Variants in MTUS1 observed in about 807,000 individuals in gnomAD.
The protein encoded by MTUS1 is microtubule-associated tumor suppressor 1.
In MTUS1, 109 loss-of-function variants were observed where a neutral mutation model predicts 120.8. That is an observed-to-expected ratio of 0.90 (90% CI 0.77 to 1.06). MTUS1 has a LOEUF of 1.06. Ranked by LOEUF, MTUS1 falls within the 50% of genes least tolerant of loss-of-function variation. The pLI is 0.00. For synonymous variants in MTUS1, 737 were observed against 550.5 expected, an observed-to-expected ratio of 1.34 and a Z score of -4.74; for missense variants, 2,210 against 1,486.3, an observed-to-expected ratio of 1.49 and a Z score of -8.01.
chr8:17,660,253 G>T lies in MTUS1; in HGVS notation c.2906-4188C>A, dbSNP rs570349857. ...CGGGGCATGATGGCGCACGTCTGTA[G>T]TCCCAGCTACTCGGGAGGCTGAGGC... On this transcript the variant is annotated intron_variant, in intron 8 of 14. Coordinates refer to ENST00000693296, the MANE Select transcript of MTUS1 (RefSeq NM_001363059.2). Among the ~76,000 whole-genome samples, 5 of 152,228 alleles carry T rather than the reference G, an allele frequency of 3.3e-5. No homozygotes were observed. In the East Asian group the frequency reaches 9.7e-4, roughly 29 times the overall value.
intron 13 of MTUS1, chr8:17,647,355 C>A: frequency 3.3e-6 from 1 of 302,706 alleles, no homozygotes; most frequent in African/African-American, 2.2e-5. Flanking sequence ...TTGGAATTCT[C>A]TAAGAATTGG....
intron 3 of MTUS1, among the ~76,000 whole-genome samples, chr8:17,728,277 A>T (rs1044111040): frequency 1.3e-5 from 2 of 152,240 alleles, no homozygotes; most frequent in East Asian, 3.9e-4. Flanking sequence ...ACACCCGGCT[A>T]ATTTTTTTGT....
At chr8:17,659,237 C>A (rs1446203291) in intron 8 of MTUS1, among the ~76,000 whole-genome samples, 1 of 152,088 alleles carries the variant, frequency 6.6e-6, no homozygotes, top group East Asian at 1.9e-4. Flanking sequence ...GCTGGCAAGG[C>A]GCATGATGGG....
At chr8:17,774,990 A>AAC (rs1223410746) in intron 1 of MTUS1, among the ~76,000 whole-genome samples, 1 of 150,864 alleles carries the variant, frequency 6.6e-6, no homozygotes, top group Non-Finnish European at 1.5e-5. Context: ...AAAAAAAAAA[A>AAC]AAACCAGAAA....
intron 6 of MTUS1, chr8:17,691,340 T>A (rs528654362): frequency 7.9e-5 from 12 of 152,246 alleles, no homozygotes; most frequent in Non-Finnish European, 1.6e-4. Context: ...AACACTTTAT[T>A]GTCTTCTTCA....
chr8:17,742,269 G>GTTTTTGTTTTTTTTTTTTTTT (rs1554516813), intron 3 of MTUS1, among the ~76,000 whole-genome samples: 2 of 94,900 alleles, frequency 2.1e-5, no homozygotes, highest in African/African-American at 4.3e-5. Context: ...ATGCCCAGCT[G>GTTTTTGTTTTTTTTTTTTTTT]TTTTTTTTTT....
At chr8:17,690,024 A>C (rs984188836) in intron 6 of MTUS1, among the ~76,000 whole-genome samples, 1 of 152,166 alleles carries the variant, frequency 6.6e-6, no homozygotes, top group Admixed American at 6.5e-5. Context: ...AAAATAGACA[A>C]ATGGGACTTA....
chr8:17,765,795 G>C (rs535367591), intron 1 of MTUS1, among the ~76,000 whole-genome samples: 8 of 151,212 alleles, frequency 5.3e-5, no homozygotes, highest in Admixed American at 2.0e-4. Flanking sequence ...TTCAAGGACA[G>C]TATACTCTCA....
chr8:17,795,379 A>T (rs985328182), intron 1 of MTUS1, among the ~76,000 whole-genome samples: 10 of 152,214 alleles, frequency 6.6e-5, no homozygotes, highest in African/African-American at 2.2e-4. Flanking sequence ...TTTAAATACT[A>T]ATTTTCTTTT....
chr8:17,754,446 C>T lies in MTUS1; in HGVS notation c.1362G>A (p.Val454=), dbSNP rs771814143. Residue 454 remains valine, a synonymous_variant, in exon 2 of 15, where the codon GTG becomes GTA. Transcript: ENST00000693296. ...TTTTAAGCCCTCGATTACCCTTCTC[C>T]ACTTTCTTACATTTCTCCGTCGCTT... ...PIEATEKCKK[V]EKGNRGLKNI... The T allele has an allele frequency of 5.0e-6, 8 of 1,614,084 alleles. No individual in the cohort carries two copies. Among genetic ancestry groups the T allele is most frequent in the Non-Finnish European group, 6.8e-6 (8 of 1,180,042 alleles).
chr8:17,764,656 A>C (rs1216427250), intron 1 of MTUS1, among the ~76,000 whole-genome samples: 1 of 152,222 alleles, frequency 6.6e-6, no homozygotes, highest in Admixed American at 6.5e-5. Flanking sequence ...TCTGTGCTGC[A>C]TTTATTCAAG....
At chr8:17,750,964 T>C (rs17125237) in intron 2 of MTUS1, among the ~76,000 whole-genome samples, 38,093 of 152,074 alleles carry the variant, frequency 0.25, 6,300 homozygotes, top group African/African-American at 0.47. Flanking sequence ...TTGCAGGCAG[T>C]CTAGGGATTC....
At chr8:17,701,504 C>T (rs1389600348) in intron 6 of MTUS1, among the ~76,000 whole-genome samples, 2 of 152,056 alleles carry the variant, frequency 1.3e-5, no homozygotes, top group East Asian at 3.9e-4. Context: ...GCTTTTAATT[C>T]ATGTACAATG....
chr8:17,662,067 G>T (rs963149927), intron 8 of MTUS1, among the ~76,000 whole-genome samples: 3 of 152,092 alleles, frequency 2.0e-5, no homozygotes, highest in African/African-American at 7.2e-5. Flanking sequence ...GGCGGTGGGG[G>T]GCGTGCATAA....
At chr8:17,752,569 A>C (rs967381245) in intron 2 of MTUS1, among the ~76,000 whole-genome samples, 1 of 152,216 alleles carries the variant, frequency 6.6e-6, no homozygotes, top group Non-Finnish European at 1.5e-5. Context: ...GTTTTAGAGA[A>C]TCTAGAATAT....
At chr8:17,770,060 T>C (rs1447721944) in intron 1 of MTUS1, among the ~76,000 whole-genome samples, 2 of 152,152 alleles carry the variant, frequency 1.3e-5, no homozygotes, top group African/African-American at 4.8e-5. Flanking sequence ...TCCATACAAT[T>C]GTTGGTGTAA....
At chr8:17,686,734 C>T (rs1355641661) in intron 6 of MTUS1, among the ~76,000 whole-genome samples, 2 of 152,112 alleles carry the variant, frequency 1.3e-5, no homozygotes, top group East Asian at 1.9e-4. Flanking sequence ...CTTCAAGATT[C>T]TTGCTTTTTG....
intron 1 of MTUS1, among the ~76,000 whole-genome samples, chr8:17,792,648 G>A (rs1249990858): frequency 6.6e-6 from 1 of 152,370 alleles, no homozygotes; most frequent in Admixed American, 6.5e-5. Flanking sequence ...CAGATCGCCT[G>A]AGGCCAGGAG....
intron 1 of MTUS1, among the ~76,000 whole-genome samples, chr8:17,790,028 G>A (rs2051640023): frequency 6.6e-6 from 1 of 151,986 alleles, no homozygotes. Context: ...TTACAATAAG[G>A]AAACAGAATT....
Sources: gnomAD v4.1 joint callset for allele counts (sites outside exome capture counted in the v4.1 genomes callset) on GRCh38, gnomAD v4.1.1 for gene constraint, MANE v1.5 for transcripts, NCBI Gene and HGNC (gene_info 2026-07-23, HGNC 2026-07-21) for gene names.